The following CD86 variants were observed in gnomAD, a reference collection of about 807,000 sequenced individuals.
CD86 encodes the protein CD86 molecule, also known as T-lymphocyte activation antigen CD86.
CD86 carries 11 observed loss-of-function variants against 32.1 expected under a neutral mutation model. That is an observed-to-expected ratio of 0.34 (90% CI 0.22 to 0.57). The LOEUF is 0.57. CD86 is among the 20% of genes least tolerant of loss of function. The probability of loss-of-function intolerance (pLI) is 0.86; values close to 1 mark genes in which losing one functional copy is unlikely to be tolerated. For synonymous variants in CD86, 137 were observed against 135.3 expected (o/e 1.01, Z -0.09); for missense variants, 359 against 398.4 (o/e 0.90, Z 0.84).
intron 2 of CD86, among the ~76,000 whole-genome samples, chr3:122,102,406 C>CTTTTTTTTTTTT (rs1011413952): frequency 1.8e-5 from 1 of 56,134 alleles, no homozygotes; most frequent in Admixed American, 1.7e-4. Context: ...CCACTGCTTA[C>CTTTTTTTTTTTT]TTTTTTTTTT....
At chr3:122,058,503 T>C (rs1349819778) in intron 1 of CD86, among the ~76,000 whole-genome samples, 1 of 152,204 alleles carries the variant, frequency 6.6e-6, no homozygotes, top group Non-Finnish European at 1.5e-5. Context: ...CCACCAGCTA[T>C]GGGCTTCACG....
rs41271423 is a variant in CD86, at chr3:122,106,185, C to T, written c.401-13C>T. 8.9e-6 allele frequency: 14 copies of T among 1,569,182 alleles called. No homozygotes were observed. The Admixed American group carries it at 1.5e-4, about 16-fold the overall frequency. On this transcript the variant is annotated splice_polypyrimidine_tract_variant and intron_variant, in intron 3 of 6. Coordinates refer to ENST00000330540, the MANE Select transcript of CD86 (RefSeq NM_175862.5). ...CTTAGATTGATTTTTTTTTATCTCT[C>T]TTCTGCTTTCAGCTAACTTCAGTCA...
intron 3 of CD86, 103 bp downstream of exon 3, chr3:122,103,950 A>AG (rs2073051656): frequency 1.2e-5 from 11 of 918,346 alleles, no homozygotes; most frequent in African/African-American, 3.3e-5. Context: ...CCAGGGGAAA[A>AG]GGGGGGTCTA....
intron 1 of CD86, among the ~76,000 whole-genome samples, chr3:122,075,513 A>AT (rs1213227132): frequency 6.6e-6 from 1 of 152,118 alleles, no homozygotes; most frequent in African/African-American, 2.4e-5. Flanking sequence ...TAAAAAAGAC[A>AT]TTTTTCTGTT....
chr3:122,105,316 A>G (rs1262371869), intron 3 of CD86, among the ~76,000 whole-genome samples: 1 of 152,264 alleles, frequency 6.6e-6, no homozygotes, highest in Non-Finnish European at 1.5e-5. Context: ...TACAGGCCAC[A>G]TAGACTCCAA....
At chr3:122,059,816 T>A (rs1190875494) in intron 1 of CD86, among the ~76,000 whole-genome samples, 3 of 152,132 alleles carry the variant, frequency 2.0e-5, no homozygotes, top group African/African-American at 7.2e-5. Flanking sequence ...GGGTGGGTCC[T>A]AATCCAAGAC....
chr3:122,074,360 G>T (rs1282124259), intron 1 of CD86, among the ~76,000 whole-genome samples: 2 of 152,082 alleles, frequency 1.3e-5, no homozygotes, highest in Admixed American at 6.5e-5. Flanking sequence ...TCTTCCATGG[G>T]CTTTCACAAA....
intron 3 of CD86, among the ~76,000 whole-genome samples, chr3:122,105,861 G>C (rs1446336929): frequency 2.0e-5 from 3 of 152,074 alleles, no homozygotes; most frequent in Non-Finnish European, 4.4e-5. Context: ...CTGGGCCCTA[G>C]AGTCAGACCA....
At chr3:122,070,825 T>C (rs1421284719) in intron 1 of CD86, among the ~76,000 whole-genome samples, 1 of 152,196 alleles carries the variant, frequency 6.6e-6, no homozygotes, top group Non-Finnish European at 1.5e-5. Flanking sequence ...CATAGGGAAG[T>C]GAACATGTGG....
At position 122,088,626 on chromosome 3, in the gene CD86, A is replaced by C. The variant is rs187957882; in HGVS notation, c.15-2975A>C. Among the ~76,000 whole-genome samples, 211 of 152,338 alleles carry C rather than the reference A, an allele frequency of 1.4e-3. 1 individual carries two copies. The highest frequency in any genetic ancestry group is 2.6e-3 in the Non-Finnish European group (177 of 68,024). The stretch of plus-strand genomic sequence containing the variant: ...CTGTCTGATTCCTGTGAGCTTCCTC[A>C]TACTAAATCACCAACAGCAACCTAC... On this transcript the variant is annotated intron_variant, in intron 1 of 6. Coordinates refer to ENST00000330540, the MANE Select transcript of CD86 (RefSeq NM_175862.5).
At chr3:122,079,410 A>G (rs2072599685) in intron 1 of CD86, among the ~76,000 whole-genome samples, 1 of 152,198 alleles carries the variant, frequency 6.6e-6, no homozygotes, top group Admixed American at 6.5e-5. Context: ...CATGTTTCAA[A>G]AATCAGACTG....
chr3:122,102,717 C>A (rs1484376413), intron 2 of CD86, among the ~76,000 whole-genome samples: 1 of 152,148 alleles, frequency 6.6e-6, no homozygotes, highest in Admixed American at 6.5e-5. Context: ...GCATTTCACT[C>A]ATGTGCCTTA....
Position 122,109,310 on chromosome 3 carries a change from C to A in CD86, c.749C>A (p.Thr250Lys). 6.2e-7 allele frequency: 1 copy of A among 1,614,026 alleles called. No homozygotes were observed. Among genetic ancestry groups the A allele is most frequent in the African/African-American group, 1.3e-5 (1 of 75,042 alleles). Residue 250 changes from threonine (T) to lysine (K), a missense_variant, in exon 5 of 7, where the codon ACA becomes AAA. Physicochemically the swap from Thr to Lys is moderately conservative, Grantham distance 78. Coordinates refer to ENST00000330540, the MANE Select transcript of CD86 (RefSeq NM_175862.5). ...CCCCCAGACCACATTCCTTGGATTACAGCTGTACTTCCAACAGTTATTATA... is the reference window on the plus strand; with the variant it reads ...CCCCCAGACCACATTCCTTGGATTAAAGCTGTACTTCCAACAGTTATTATA... Reference protein sequence around the residue: ...QPPPDHIPWITAVLPTVIICV... With the variant: ...QPPPDHIPWIKAVLPTVIICV...
chr3:122,099,072 G>A (rs573349390), intron 2 of CD86, among the ~76,000 whole-genome samples: 39 of 152,308 alleles, frequency 2.6e-4, no homozygotes, highest in East Asian at 1.3e-3. Context: ...AGTTGAATCC[G>A]TGGGGCTAGA....
intron 2 of CD86, among the ~76,000 whole-genome samples, chr3:122,096,864 AAC>A (rs2072916339): frequency 6.6e-6 from 1 of 152,228 alleles, no homozygotes; most frequent in African/African-American, 2.4e-5. Context: ...TAAACCATTT[AAC>A]TTATTTCCAG....
rs2072992515 is a variant in CD86, at chr3:122,101,118, G to A, written c.65-2394G>A. Among the ~76,000 whole-genome samples the A allele has an allele frequency of 3.3e-5, 5 of 152,208 alleles. No homozygotes were observed. The South Asian group carries it at 8.3e-4, about 25-fold the overall frequency. ...ATTTCAAAGTGATTTCCACCCCATG[G>A]GGAGGAGAGGGAGTCTGAGGAGGGA... On this transcript the variant is annotated intron_variant, in intron 2 of 6. Coordinates refer to ENST00000330540, the MANE Select transcript of CD86 (RefSeq NM_175862.5).
intron 1 of CD86, among the ~76,000 whole-genome samples, chr3:122,072,054 T>G (rs1297820398): frequency 6.6e-6 from 1 of 151,546 alleles, no homozygotes; most frequent in Non-Finnish European, 1.5e-5. Flanking sequence ...ACAAAGGACA[T>G]GAACTCATCA....
At chr3:122,062,753 G>A (rs1023616735) in intron 1 of CD86, among the ~76,000 whole-genome samples, 2 of 152,166 alleles carry the variant, frequency 1.3e-5, no homozygotes, top group Non-Finnish European at 2.9e-5. Flanking sequence ...TCTGTAAGAT[G>A]AGGCTACTAA....
intron 1 of CD86, among the ~76,000 whole-genome samples, chr3:122,084,938 T>A (rs934184667): frequency 1.3e-5 from 2 of 152,350 alleles, no homozygotes; most frequent in East Asian, 3.9e-4. Context: ...GGTCCTGTTA[T>A]GGGCTCTCAA....
Sources: allele counts gnomAD v4.1 joint callset (sites outside exome capture counted in the v4.1 genomes callset), GRCh38; gene constraint gnomAD v4.1.1; transcripts MANE v1.5; gene names NCBI Gene and HGNC (gene_info 2026-07-23, HGNC 2026-07-21).